Variants in SRCAP observed in about 807,000 individuals in gnomAD.
The protein encoded by SRCAP is chromatin remodeling protein SRCAP.
A neutral mutation model predicts 263.1 loss-of-function variants in SRCAP; 46 were observed. That is an observed-to-expected ratio of 0.17 (90% confidence interval 0.14 to 0.22). The LOEUF (loss-of-function observed/expected upper bound fraction) is 0.22. Ranked by LOEUF, SRCAP falls within the 10% of genes least tolerant of loss-of-function variation. SRCAP has a pLI of 1.00. For missense variants in SRCAP, 3,695 were observed against 4,181.9 expected, an observed-to-expected ratio of 0.88 and a Z score of 3.21; for synonymous variants, 1,813 against 1,662.1, an observed-to-expected ratio of 1.09 and a Z score of -2.21.
chr16:30,715,332 G>A (rs1054035460), intron 16 of SRCAP, among the ~76,000 whole-genome samples: 1 of 152,138 alleles, frequency 6.6e-6, no homozygotes, highest in African/African-American at 2.4e-5. Flanking sequence ...TTGGGAGGCT[G>A]AGGCAGGCGG....
chr16:30,725,162 A>G, intron 25 of SRCAP, 80 bp downstream of exon 25: 2 of 1,518,338 alleles, frequency 1.3e-6, no homozygotes, highest in Admixed American at 4.4e-5. Context: ...CAGTGATGTC[A>G]CATTTAACCT....
chr16:30,714,698 G>A (rs909835773), intron 16 of SRCAP, among the ~76,000 whole-genome samples: 9 of 151,548 alleles, frequency 5.9e-5, no homozygotes, highest in South Asian at 2.1e-4. Context: ...GGCGGATTTC[G>A]CCATGTTGGC....
intron 3 of SRCAP, among the ~76,000 whole-genome samples, chr16:30,703,080 T>C (rs2052786232): frequency 6.6e-6 from 1 of 151,646 alleles, no homozygotes; most frequent in South Asian, 2.1e-4. Context: ...AAATGGAGGG[T>C]AAATAGGGAG....
At chr16:30,710,672 C>T in intron 8 of SRCAP, 82 bp from the exon 9 acceptor site, 1 of 1,379,590 alleles carries the variant, frequency 7.2e-7, no homozygotes, top group African/African-American at 1.4e-5. Flanking sequence ...AGTGATTCTC[C>T]TGTGACACCT....
At chr16:30,735,530 T>A (rs899709453) in intron 31 of SRCAP, among the ~76,000 whole-genome samples, 1 of 151,324 alleles carries the variant, frequency 6.6e-6, no homozygotes, top group African/African-American at 2.4e-5. Context: ...GAGAAGTGTT[T>A]AAGTTGGTGC....
Position 30,738,522 on chromosome 16 carries a change from C to A in SRCAP, c.8482C>A (p.Arg2828Ser), listed in dbSNP as rs144623507. The A allele has an allele frequency of 3.7e-6, 6 of 1,611,912 alleles. No individual in the cohort carries two copies. Among genetic ancestry groups the A allele is most frequent in the Non-Finnish European group, 5.1e-6 (6 of 1,178,982 alleles). The change falls in exon 34 of 34, where the codon CGC becomes AGC. Residue 2828 changes from arginine (R) to serine (S), a missense_variant. Arg to Ser is a moderately radical substitution (Grantham distance 110). Coordinates refer to ENST00000262518, the MANE Select transcript of SRCAP (RefSeq NM_006662.3). The stretch of plus-strand genomic sequence containing the variant: ...TCCACCCCAGCAGCCCTTCATTGCT[C>A]GCCGTCACATTGAGCTGGGGGTGAC... ...PTPPQQPFIARRHIELGVTGG... is the reference protein window; with the variant it reads ...PTPPQQPFIASRHIELGVTGG...
intron 27 of SRCAP, among the ~76,000 whole-genome samples, chr16:30,732,939 A>C (rs943302411): frequency 4.6e-5 from 7 of 152,246 alleles, no homozygotes; most frequent in Admixed American, 3.9e-4. Flanking sequence ...TTCAAGCCCG[A>C]GTTCTCATGC....
At chr16:30,732,100 G>A (rs1246455273) in intron 27 of SRCAP, among the ~76,000 whole-genome samples, 1 of 151,036 alleles carries the variant, frequency 6.6e-6, no homozygotes, top group Non-Finnish European at 1.5e-5. Flanking sequence ...AGCTGAGATC[G>A]CACCACTGCA....
At position 30,704,335 on chromosome 16, in the gene SRCAP, A is replaced by G. The variant is rs767882138; in HGVS notation, c.306+20A>G. 2 of 1,563,388 alleles carry G rather than the reference A, an allele frequency of 1.3e-6. No homozygotes were observed. The highest frequency in any genetic ancestry group is 1.9e-5 in the Admixed American group (1 of 52,190). ...AAGCATGTACGTATTAGAAAGGCTT[A>G]TGAAGATTCTTGGGAGTTATCTTCC... On this transcript the variant is annotated intron_variant, in intron 4 of 33. Transcript: ENST00000262518.
chr16:30,721,446 C>T lies in SRCAP; in HGVS notation c.3511C>T (p.Leu1171=). 1 of 1,612,142 alleles carries T rather than the reference C, an allele frequency of 6.2e-7. No homozygotes were observed. The highest frequency in any genetic ancestry group is 8.5e-7 in the Non-Finnish European group (1 of 1,180,026). ...APTPAPQRLI[L]SPDMQARLPS... is the part of the protein sequence containing the mutation. Reference sequence around the variant, plus strand: ...GACTCCTGCACCACAGCGCCTCATTCTATCTCCCGATATGCAGGCTCGCCT... The same window carrying T: ...GACTCCTGCACCACAGCGCCTCATTTTATCTCCCGATATGCAGGCTCGCCT... The change falls in exon 21 of 34, where the codon CTA becomes TTA. Residue 1171 remains leucine, a synonymous_variant. Transcript: ENST00000262518.
At position 30,723,004 on chromosome 16, in the gene SRCAP, G is replaced by T. The variant is rs745883022; in HGVS notation, c.3934G>T (p.Val1312Leu). 3 of 1,613,800 alleles carry T rather than the reference G, an allele frequency of 1.9e-6. No homozygotes were observed. The African/African-American group carries it at 4.0e-5, about 22-fold the overall frequency. The stretch of plus-strand genomic sequence containing the variant: ...GAATAATACAGGCGTGGTGAAGATT[G>T]TAGTGAGACAAGCCCCTCGGGATGG... The part of the protein sequence containing the change: ...MVNNTGVVKI[V>L]VRQAPRDGLT... Residue 1312 changes from valine (V) to leucine (L), a missense_variant, in exon 24 of 34, where the codon GTA becomes TTA. By Grantham distance (32) the Val-to-Leu change is conservative. Around this residue, in one of 12 missense-constraint regions of SRCAP, gnomAD observed 1,347 missense variants for 1,304.4 expected, o/e 1.03. Transcript: ENST00000262518.
chr16:30,729,542 C>T lies in SRCAP; in HGVS notation c.6097C>T (p.Pro2033Ser). The T allele has an allele frequency of 6.2e-7, 1 of 1,614,172 alleles. No individual in the cohort carries two copies. Among genetic ancestry groups the T allele is most frequent in the Non-Finnish European group, 8.5e-7 (1 of 1,180,042 alleles). ...RIVCNMRTQF[P>S]DLRLIQYDCG... ...TGTGTGTAACATGCGCACCCAGTTC[C>T]CTGACTTAAGACTCATCCAGTATGA... Residue 2033 changes from proline (P) to serine (S), a missense_variant, in exon 27 of 34, where the codon CCT becomes TCT. Transcript: ENST00000262518.
chr16:30,713,066 T>G (rs1378117813), intron 14 of SRCAP, 142 bp from the exon 15 acceptor site: 1 of 1,038,160 alleles, frequency 9.6e-7, no homozygotes, highest in East Asian at 2.4e-5. Context: ...AGGCCCCTCC[T>G]CTTTCTGTCG....
chr16:30,712,776 T>A lies in SRCAP; in HGVS notation c.2091T>A (p.Thr697=). ...KRWCPSFKIL[T]YYGAQKERKL... is the part of the protein sequence containing the mutation. ...GGTGCCCCAGCTTTAAAATCCTCAC[T>A]TACTATGGAGCCCAGAAAGAGAGGA... Residue 697 remains threonine (T), a synonymous_variant, in exon 14 of 34, where the codon ACT becomes ACA. Coordinates refer to ENST00000262518, the MANE Select transcript of SRCAP (RefSeq NM_006662.3). 6.2e-7 allele frequency: 1 copy of A among 1,614,172 alleles called. No individual in the cohort carries two copies. Among genetic ancestry groups the A allele is most frequent in the Non-Finnish European group, 8.5e-7 (1 of 1,180,026 alleles).
At chr16:30,704,526 G>A (rs1017430444) in intron 4 of SRCAP, among the ~76,000 whole-genome samples, 2 of 152,058 alleles carry the variant, frequency 1.3e-5, no homozygotes, top group Non-Finnish European at 2.9e-5. Context: ...TAGTTTATAG[G>A]CTATTAAGAG....
rs1215246420 is a variant in SRCAP, at chr16:30,711,562, C to T, written c.1319-9C>T. The T allele has an allele frequency of 1.3e-6, 2 of 1,573,140 alleles. No homozygotes were observed. The highest frequency in any genetic ancestry group is 8.6e-7 in the Non-Finnish European group (1 of 1,163,088). On this transcript the variant is annotated splice_polypyrimidine_tract_variant and intron_variant, in intron 10 of 33. Transcript: ENST00000262518. ...CAGAGCAACCAAAAGCTTTTTGTTT[C>T]TCTTCCAGGTGAGCTTTCCATGGAG...
chr16:30,710,730 C>T, intron 8 of SRCAP, 24 bp from the exon 9 acceptor site: 1 of 1,613,158 alleles, frequency 6.2e-7, no homozygotes, highest in Non-Finnish European at 8.5e-7. Context: ...TAGACCCTTC[C>T]CTTTTTTATC....
At position 30,724,154 on chromosome 16, in the gene SRCAP, C is replaced by T; in HGVS notation, c.4730C>T (p.Ser1577Phe). 6.2e-7 allele frequency: 1 copy of T among 1,614,164 alleles called. No homozygotes were observed. The highest frequency in any genetic ancestry group is 1.3e-5 in the African/African-American group (1 of 75,032). The change falls in exon 25 of 34, where the codon TCT (serine) becomes TTT (phenylalanine). Residue 1577 changes from serine to phenylalanine, a missense_variant. By Grantham distance (155) the Ser-to-Phe change is radical. Transcript: ENST00000262518. ...PAQASLLAPA[S>F]SASQALATPL... ...CAGGCTTCCCTTCTGGCTCCAGCATCTTCTGCATCTCAGGCTCTAGCCACC... is the reference window on the plus strand; with the variant it reads ...CAGGCTTCCCTTCTGGCTCCAGCATTTTCTGCATCTCAGGCTCTAGCCACC...
Position 30,710,740 on chromosome 16 carries a change from C to T in SRCAP, c.1135-14C>T, listed in dbSNP as rs534965827. ...AACCTTAGACCCTTCCCTTTTTTATCTTTTGCCATACAGATAAAGCCCCCA... is the reference window on the plus strand; with the variant it reads ...AACCTTAGACCCTTCCCTTTTTTATTTTTTGCCATACAGATAAAGCCCCCA... On this transcript the variant is annotated splice_polypyrimidine_tract_variant and intron_variant, in intron 8 of 33. Coordinates refer to ENST00000262518, the MANE Select transcript of SRCAP (RefSeq NM_006662.3). The T allele has an allele frequency of 3.1e-4, 497 of 1,613,644 alleles. 8 individuals are homozygous for T. Among genetic ancestry groups the T allele is most frequent in the South Asian group, 2.3e-3 (212 of 91,058 alleles).
Sources: allele counts gnomAD v4.1 joint callset (sites outside exome capture counted in the v4.1 genomes callset), GRCh38; gene constraint gnomAD v4.1.1; regional missense constraint gnomAD v4.1.1; transcripts MANE v1.5; gene names NCBI Gene and HGNC (gene_info 2026-07-23, HGNC 2026-07-21).